The following RP1L1 variants were observed in gnomAD, a reference collection of about 807,000 sequenced individuals.
RP1L1 encodes retinitis pigmentosa 1-like 1 protein.
A neutral mutation model predicts 15.7 loss-of-function variants in RP1L1; 27 were observed. That is an observed-to-expected ratio of 1.72 (90% CI 1.27 to 2.38). The LOEUF (loss-of-function observed/expected upper bound fraction) is 2.38. Ranked by LOEUF, RP1L1 falls within the 30% of genes most tolerant of loss-of-function variation. The pLI is 0.00. For synonymous variants in RP1L1, 1,813 were observed against 1,276.7 expected (o/e 1.42, Z -8.96); for missense variants, 4,798 against 3,075.9 (o/e 1.56, Z -13.24).
Position 10,610,010 on chromosome 8 carries a change from C to A in RP1L1, c.4088G>T (p.Gly1363Val). The change falls in exon 4 of 4, where the codon GGA (glycine) becomes GTA (valine). Residue 1363 changes from glycine (G) to valine (V), a missense_variant. Gly to Val is a moderately radical substitution (Grantham distance 109, BLOSUM62 -3). Transcript: ENST00000382483. ...EAQLEEIEET[G>V]GEGLQEEGVQ... ...CCCCTCTTCTTGCAGCCCTTCTCCT[C>A]CTGTTTCTTCAATTTCCTCTAACTG... 1 of 1,495,038 alleles carries A rather than the reference C, an allele frequency of 6.7e-7. No individual in the cohort carries two copies. The highest frequency in any genetic ancestry group is 9.0e-7 in the Non-Finnish European group (1 of 1,109,784). The allele number at this position is 1,495,038 out of a possible 1,614,324, so 92.6% of individuals were successfully genotyped here.
intron 1 of RP1L1, among the ~76,000 whole-genome samples, chr8:10,631,332 CAT>C (rs36065439): frequency 0.44 from 45,228 of 103,580 alleles, 9,487 homozygotes; most frequent in East Asian, 0.94. Context: ...CGCACACACA[CAT>C]GCACACACAC....
intron 1 of RP1L1, among the ~76,000 whole-genome samples, chr8:10,654,079 G>A (rs1287622959): frequency 3.9e-5 from 6 of 152,158 alleles, no homozygotes; most frequent in Non-Finnish European, 8.8e-5. Context: ...CTGCAGCCGC[G>A]CTGGACCTCG....
chr8:10,608,151 C>T lies in RP1L1; in HGVS notation c.5947G>A (p.Glu1983Lys), dbSNP rs773245949. The T allele has an allele frequency of 6.2e-7, 1 of 1,612,846 alleles. No individual in the cohort carries two copies. Among genetic ancestry groups the T allele is most frequent in the Admixed American group, 1.7e-5 (1 of 59,916 alleles). Residue 1983 changes from glutamate (E) to lysine (K), a missense_variant, in exon 4 of 4, where the codon GAA becomes AAA. Coordinates refer to ENST00000382483, the MANE Select transcript of RP1L1 (RefSeq NM_178857.6). ...CCTTCTGCCTCCTGGGTCTCCACTT[C>T]AACCTCCAGGGCCTCTACATCTTCT... Reference protein sequence around the residue: ...ESEDVEALEVEVETQEAEGEA... With the variant: ...ESEDVEALEVKVETQEAEGEA...
At chr8:10,625,652 G>T (rs910184628) in intron 1 of RP1L1, among the ~76,000 whole-genome samples, 12 of 152,218 alleles carry the variant, frequency 7.9e-5, no homozygotes, top group African/African-American at 1.9e-4. Flanking sequence ...GCCTCATCAG[G>T]TGCGGGCAGG....
intron 1 of RP1L1, among the ~76,000 whole-genome samples, chr8:10,639,916 G>T (rs1798383464): frequency 1.3e-5 from 2 of 152,218 alleles, no homozygotes; most frequent in African/African-American, 4.8e-5. Context: ...GGTGTTGGTA[G>T]AATGTTACAT....
intron 1 of RP1L1, among the ~76,000 whole-genome samples, chr8:10,630,024 C>A (rs1245607569): frequency 6.6e-6 from 1 of 152,220 alleles, no homozygotes; most frequent in African/African-American, 2.4e-5. Context: ...CTTGCTGAGG[C>A]CCCATCCTGA....
At chr8:10,614,633 C>T (rs935349574) in intron 3 of RP1L1, among the ~76,000 whole-genome samples, 1 of 143,276 alleles carries the variant, frequency 7.0e-6, no homozygotes, top group African/African-American at 2.6e-5. Context: ...TGCACTCCAG[C>T]CTGGGTGACA....
intron 1 of RP1L1, among the ~76,000 whole-genome samples, chr8:10,632,435 A>G (rs1339538452): frequency 2.0e-5 from 3 of 152,196 alleles, no homozygotes; most frequent in Admixed American, 6.5e-5. Context: ...GAGCTATGCA[A>G]TCTGACTTAT....
chr8:10,608,949 G>C lies in RP1L1; in HGVS notation c.5149C>G (p.Pro1717Ala). ...CCCTGGACAGTCCTAGTGCTCGTGGGGTCCGTGTGGGTCTTGCCAGGGGCC... is the reference window on the plus strand; with the variant it reads ...CCCTGGACAGTCCTAGTGCTCGTGGCGTCCGTGTGGGTCTTGCCAGGGGCC... ...EVAPGKTHTD[P>A]TSTRTVQGAE... Residue 1717 changes from proline to alanine, a missense_variant, in exon 4 of 4, where the codon CCC (proline) becomes GCC (alanine). Transcript: ENST00000382483. 1 of 1,613,810 alleles carries C rather than the reference G, an allele frequency of 6.2e-7. No individual in the cohort carries two copies. The highest frequency in any genetic ancestry group is 8.5e-7 in the Non-Finnish European group (1 of 1,179,774).
At chr8:10,632,537 T>A (rs937599750) in intron 1 of RP1L1, among the ~76,000 whole-genome samples, 6 of 152,214 alleles carry the variant, frequency 3.9e-5, no homozygotes, top group Non-Finnish European at 8.8e-5. Flanking sequence ...CTGCAGCTCC[T>A]TGTCTCCGCT....
chr8:10,621,762 T>C (rs547756229), intron 2 of RP1L1: 3 of 508,232 alleles, frequency 5.9e-6, no homozygotes, highest in Non-Finnish European at 1.2e-5. Flanking sequence ...GAATTTCATG[T>C]CCGGCAGAAC....
In RP1L1 at chr8:10,610,287, T is replaced by C; in HGVS notation, c.3811A>G (p.Thr1271Ala). ...FLNARACACA[T>A]NEDEAERDSE... ...TCTCTTTCTGCTTCATCCTCATTGG[T>C]GGCACAAGCGCAGGCTCGGGCGTTC... Residue 1271 changes from threonine to alanine, a missense_variant, in exon 4 of 4, where the codon ACC (threonine) becomes GCC (alanine). By Grantham distance (58) the Thr-to-Ala change is moderately conservative (BLOSUM62 0). Transcript: ENST00000382483. 5.6e-6 allele frequency: 9 copies of C among 1,614,188 alleles called. No individual in the cohort carries two copies. The highest frequency in any genetic ancestry group is 7.6e-6 in the Non-Finnish European group (9 of 1,180,038).
intron 1 of RP1L1, among the ~76,000 whole-genome samples, chr8:10,624,401 A>C (rs1798124398): frequency 6.6e-6 from 1 of 152,182 alleles, no homozygotes; most frequent in Non-Finnish European, 1.5e-5. Flanking sequence ...CATACACCAC[A>C]ATATACACTG....
At chr8:10,627,368 G>C (rs1798175113) in intron 1 of RP1L1, among the ~76,000 whole-genome samples, 1 of 152,176 alleles carries the variant, frequency 6.6e-6, no homozygotes, top group African/African-American at 2.4e-5. Context: ...TAAGTGAATA[G>C]AAATGAGCCG....
chr8:10,615,803 AGTTGCTAGGAATAAAGGTGT>A (rs983238918), intron 3 of RP1L1, among the ~76,000 whole-genome samples: 1 of 152,188 alleles, frequency 6.6e-6, no homozygotes. Flanking sequence ...TGGCCTCCCA[AGTTGCTAGGAATAAAGGTGT>A]GAGCCTCTGT....
intron 2 of RP1L1, among the ~76,000 whole-genome samples, chr8:10,620,856 C>A (rs1278109959): frequency 6.6e-6 from 1 of 152,154 alleles, no homozygotes; most frequent in Non-Finnish European, 1.5e-5. Flanking sequence ...AACACAAGAC[C>A]ACGGCCCATG....
intron 1 of RP1L1, among the ~76,000 whole-genome samples, chr8:10,649,238 C>A (rs974747997): frequency 6.6e-6 from 1 of 152,226 alleles, no homozygotes; most frequent in South Asian, 2.1e-4. Flanking sequence ...CTTCTTCATT[C>A]TCCTCATCCA....
At chr8:10,619,359 G>C (rs1259932686) in intron 2 of RP1L1, among the ~76,000 whole-genome samples, 1 of 152,232 alleles carries the variant, frequency 6.6e-6, no homozygotes, top group East Asian at 1.9e-4. Flanking sequence ...AAGATGCAGA[G>C]AGGCATGTGC....
In RP1L1 at chr8:10,609,190, C is replaced by T. The variant is rs767310527; in HGVS notation, c.4908G>A (p.Glu1636=). The stretch of plus-strand genomic sequence containing the variant: ...TCCCCAGGGCTGTGCTGAGGGCTGG[C>T]TCGTCCTCCAGGGTGAAGGAGAGGG... ...LGPLSFTLED[E]PALSTALGSQ... is the part of the protein sequence containing the mutation. Residue 1636 remains glutamate (E), a synonymous_variant, in exon 4 of 4, where the codon GAG becomes GAA. Coordinates refer to ENST00000382483, the MANE Select transcript of RP1L1 (RefSeq NM_178857.6). 9.3e-6 allele frequency: 15 copies of T among 1,611,406 alleles called. No individual in the cohort carries two copies. In the Admixed American group the frequency reaches 2.5e-4, roughly 27 times the overall value.
Sources: gnomAD v4.1 joint callset for allele counts (sites outside exome capture counted in the v4.1 genomes callset) on GRCh38, gnomAD v4.1.1 for gene constraint, MANE v1.5 for transcripts, NCBI Gene and HGNC (gene_info 2026-07-23, HGNC 2026-07-21) for gene names.